CHN2: variants seen among roughly 807,000 people sequenced by gnomAD.
CHN2 encodes chimerin 2, also known as beta-chimaerin.
In CHN2, 35 loss-of-function variants were observed where a neutral mutation model predicts 56.3. The ratio of observed to expected loss-of-function variants is 0.62; its 90% confidence interval spans 0.47 to 0.82. The LOEUF (loss-of-function observed/expected upper bound fraction) is 0.82, where lower values mean the gene tolerates loss of function less well. CHN2 is among the 40% of genes least tolerant of loss of function. The pLI is 0.00. For synonymous variants in CHN2, 210 were observed against 212.8 expected (o/e 0.99, Z 0.12); for missense variants, 491 against 580.5 (o/e 0.85, Z 1.58).
At chr7:29,441,634 T>C (rs1783655825) in intron 6 of CHN2, among the ~76,000 whole-genome samples, 1 of 152,134 alleles carries the variant, frequency 6.6e-6, no homozygotes, top group Non-Finnish European at 1.5e-5. Flanking sequence ...TCAATCGATA[T>C]TTTTCCAAAG....
At chr7:29,209,346 C>G (rs914699412) in intron 1 of CHN2, among the ~76,000 whole-genome samples, 2 of 152,124 alleles carry the variant, frequency 1.3e-5, no homozygotes, top group Non-Finnish European at 2.9e-5. Context: ...AGTCAAAAAG[C>G]TTATTATAGT....
At chr7:29,172,195 A>G (rs1380362607) in intron 2 of CHN2, among the ~76,000 whole-genome samples, 1 of 152,118 alleles carries the variant, frequency 6.6e-6, no homozygotes, top group Non-Finnish European at 1.5e-5. Context: ...TTAATGGGGC[A>G]TCTTACTGTA....
At chr7:29,350,080 T>C (rs1222114306) in intron 1 of CHN2, among the ~76,000 whole-genome samples, 1 of 152,218 alleles carries the variant, frequency 6.6e-6, no homozygotes, top group African/African-American at 2.4e-5. Flanking sequence ...AAGTAACATA[T>C]ATAATAGTTT....
Position 29,400,781 on chromosome 7 carries a change from C to T in CHN2, c.529C>T (p.Pro177Ser). 1.2e-6 allele frequency: 2 copies of T among 1,614,014 alleles called. No individual in the cohort carries two copies. The highest frequency in any genetic ancestry group is 1.7e-6 in the Non-Finnish European group (2 of 1,179,994). Residue 177 changes from proline to serine, a missense_variant, in exon 6 of 13, where the codon CCA (proline) becomes TCA (serine). Physicochemically the swap from Pro to Ser is moderately conservative, Grantham distance 74. Transcript: ENST00000222792. ...AAGGCTGAGCAGGTCTAAAAATGAACCAAGAAAAACAAACGTCACACATGA... is the reference window on the plus strand; with the variant it reads ...AAGGCTGAGCAGGTCTAAAAATGAATCAAGAAAAACAAACGTCACACATGA... ...SRRLSRSKNE[P>S]RKTNVTHEEH...
At chr7:29,228,192 TTG>T (rs1280298948) in intron 1 of CHN2, among the ~76,000 whole-genome samples, 1 of 149,302 alleles carries the variant, frequency 6.7e-6, no homozygotes, top group Non-Finnish European at 1.5e-5. Context: ...GTGTGTGTGT[TTG>T]TGTGTTTGTG....
intron 1 of CHN2, among the ~76,000 whole-genome samples, chr7:29,309,259 G>A (rs1427586545): frequency 6.6e-6 from 1 of 152,174 alleles, no homozygotes; most frequent in Admixed American, 6.5e-5. Flanking sequence ...CGCTCTTTGG[G>A]TTGTAGAATT....
At chr7:29,489,020 A>G (rs754196972) in intron 7 of CHN2, among the ~76,000 whole-genome samples, 21 of 152,226 alleles carry the variant, frequency 1.4e-4, no homozygotes, top group Non-Finnish European at 2.4e-4. Context: ...TTGACCCATC[A>G]AAACATATCT....
intron 1 of CHN2, chr7:29,199,756 C>T (rs1784009546): frequency 6.6e-6 from 1 of 152,158 alleles, no homozygotes; most frequent in African/African-American, 2.4e-5. Context: ...TAGCATGCTA[C>T]ATATTTGCAG....
intron 6 of CHN2, among the ~76,000 whole-genome samples, chr7:29,413,391 CAG>C (rs1379906442): frequency 5.9e-5 from 9 of 152,284 alleles, no homozygotes; most frequent in Admixed American, 1.3e-4. Flanking sequence ...ACACCTTTAA[CAG>C]AGTAAAAGCA....
At position 29,512,640 on chromosome 7, in the gene CHN2, C is replaced by G. The variant is rs34971642; in HGVS notation, c.1312C>G (p.Pro438Ala). 1 of 1,614,036 alleles carries G rather than the reference C, an allele frequency of 6.2e-7. No individual in the cohort carries two copies. The highest frequency in any genetic ancestry group is 1.1e-5 in the South Asian group (1 of 91,076). Residue 438 changes from proline to alanine, a missense_variant, in exon 13 of 13, where the codon CCC becomes GCC. Physicochemically the swap from Pro to Ala is conservative, Grantham distance 27. Coordinates refer to ENST00000222792, the MANE Select transcript of CHN2 (RefSeq NM_004067.4). ...GIVFGPTLMRPPEDSTLTTLH... is the reference protein window; with the variant it reads ...GIVFGPTLMRAPEDSTLTTLH... ...CGTGTTTGGGCCCACTCTGATGAGGCCCCCTGAGGACAGCACCCTGACCAC... is the reference window on the plus strand; with the variant it reads ...CGTGTTTGGGCCCACTCTGATGAGGGCCCCTGAGGACAGCACCCTGACCAC...
chr7:29,270,559 G>A lies in CHN2; in HGVS notation c.49+75569G>A, dbSNP rs921729204. ...CGCACTTGTAATCCCAGCTACTTAG[G>A]AGGTTGAGGCACGAGAATCACTTGA... is the stretch of plus-strand genomic sequence containing the variant. On this transcript the variant is annotated intron_variant, in intron 1 of 12. Coordinates refer to ENST00000222792, the MANE Select transcript of CHN2 (RefSeq NM_004067.4). Among the ~76,000 whole-genome samples the A allele has an allele frequency of 4.6e-5, 7 of 151,590 alleles. No individual in the cohort carries two copies. In the East Asian group the frequency reaches 1.4e-3, roughly 29 times the overall value.
chr7:29,384,275 T>G (rs1241330294), intron 3 of CHN2, among the ~76,000 whole-genome samples: 2 of 152,216 alleles, frequency 1.3e-5, no homozygotes, highest in Non-Finnish European at 2.9e-5. Context: ...TCTGTTATCC[T>G]TGAGCAATTT....
chr7:29,480,517 C>A (rs1208040385), intron 7 of CHN2, among the ~76,000 whole-genome samples, 161 bp downstream of exon 7: 1 of 152,242 alleles, frequency 6.6e-6, no homozygotes, highest in African/African-American at 2.4e-5. Flanking sequence ...TCTGTCAGTT[C>A]AAACTGGAGA....
intron 6 of CHN2, among the ~76,000 whole-genome samples, chr7:29,472,051 A>T (rs1178319455): frequency 6.6e-6 from 1 of 152,166 alleles, no homozygotes; most frequent in Non-Finnish European, 1.5e-5. Context: ...GGTTCAAAGT[A>T]CATAGGATCA....
At chr7:29,184,721 A>G (rs1798502368) in intron 2 of CHN2, among the ~76,000 whole-genome samples, 1 of 152,158 alleles carries the variant, frequency 6.6e-6, no homozygotes, top group Non-Finnish European at 1.5e-5. Flanking sequence ...TTTAAATTTA[A>G]CTTCATTCAA....
intron 10 of CHN2, among the ~76,000 whole-genome samples, chr7:29,506,648 A>G (rs1790599774): frequency 6.6e-6 from 1 of 152,204 alleles, no homozygotes; most frequent in East Asian, 1.9e-4. Flanking sequence ...CACACACAAA[A>G]AAGAATGATA....
chr7:29,154,871 G>A (rs957046088), intron 2 of CHN2, among the ~76,000 whole-genome samples: 8 of 152,122 alleles, frequency 5.3e-5, no homozygotes, highest in African/African-American at 1.7e-4. Flanking sequence ...AGACATACTC[G>A]AGACTGGGCA....
In CHN2 at chr7:29,195,008, G is replaced by C. The variant is rs780116645; in HGVS notation, c.49+18G>C. 3 of 1,581,996 alleles carry C rather than the reference G, an allele frequency of 1.9e-6. No homozygotes were observed. Among genetic ancestry groups the C allele is most frequent in the East Asian group, 2.4e-5 (1 of 41,300 alleles). On this transcript the variant is annotated intron_variant, in intron 1 of 12. Transcript: ENST00000222792. ...GTCCTCCGGTGAGTTTCAGCCCGTC[G>C]GGCGCTGCTGCCGCGCCGGGTCTCG...
chr7:29,407,451 C>A (rs78982482), intron 6 of CHN2, among the ~76,000 whole-genome samples: 2,857 of 151,980 alleles, frequency 0.019, 103 homozygotes, highest in African/African-American at 0.065. Context: ...AAAGAAAGAA[C>A]CTGAATTGTT....
Sources: allele counts gnomAD v4.1 joint callset (sites outside exome capture counted in the v4.1 genomes callset), GRCh38; gene constraint gnomAD v4.1.1; transcripts MANE v1.5; gene names NCBI Gene and HGNC (gene_info 2026-07-23, HGNC 2026-07-21).